The following NRG1 variants were observed in gnomAD, a reference collection of about 807,000 sequenced individuals.
NRG1 encodes the protein pro-neuregulin-1, membrane-bound isoform.
Under a neutral mutation model 63.8 loss-of-function variants are expected in NRG1, and 18 were observed. The ratio of observed to expected loss-of-function variants is 0.28; its 90% CI spans 0.19 to 0.42. The LOEUF is 0.42. Ranked by LOEUF, NRG1 falls within the 10% of genes least tolerant of loss-of-function variation. NRG1 has a pLI of 1.00. For missense variants in NRG1, 762 were observed against 814.7 expected, an observed-to-expected ratio of 0.94 and a Z score of 0.79; for synonymous variants, 302 against 301.3, an observed-to-expected ratio of 1.00 and a Z score of -0.02.
At chr8:32,756,415 A>G in exon 9 of NRG1, 2 of 1,610,878 alleles carry the variant, frequency 1.2e-6, no homozygotes, top group Non-Finnish European at 1.7e-6. Flanking sequence ...AACAGCGGAA[A>G]AAGCTGCATG....
chr8:32,549,006 G>A (rs1833564432), intron 1 of NRG1, among the ~76,000 whole-genome samples, 180 bp downstream of exon 1: 1 of 152,200 alleles, frequency 6.6e-6, no homozygotes, highest in South Asian at 2.1e-4. Context: ...GCTCACCTGG[G>A]CGCCGAGTCC....
chr8:32,654,488 G>A (rs902064658), intron 5 of NRG1, among the ~76,000 whole-genome samples: 1 of 151,938 alleles, frequency 6.6e-6, no homozygotes, highest in Non-Finnish European at 1.5e-5. Flanking sequence ...AATTAGCCAG[G>A]GGTGGGGGTT....
intron 1 of NRG1, among the ~76,000 whole-genome samples, chr8:31,839,941 G>A (rs1435683415): frequency 5.3e-5 from 8 of 152,054 alleles, no homozygotes; most frequent in East Asian, 1.9e-4. Flanking sequence ...GCTGGTTTTC[G>A]GGAGCCACCA....
chr8:32,371,680 G>A (rs1278114630), intron 1 of NRG1, among the ~76,000 whole-genome samples: 1 of 152,160 alleles, frequency 6.6e-6, no homozygotes, highest in South Asian at 2.1e-4. Flanking sequence ...CTTGTCCTTT[G>A]CCTTCCCATT....
intron 1 of NRG1, among the ~76,000 whole-genome samples, chr8:31,745,761 C>T (rs1416937973): frequency 6.6e-6 from 1 of 151,678 alleles, no homozygotes; most frequent in African/African-American, 2.4e-5. Context: ...TACTGAAGAG[C>T]CATGTTAAAT....
intron 1 of NRG1, among the ~76,000 whole-genome samples, chr8:31,819,541 C>G (rs1279727136): frequency 6.6e-6 from 1 of 152,168 alleles, no homozygotes; most frequent in Non-Finnish European, 1.5e-5. Context: ...TTTTCCCAAA[C>G]TTTTACATAT....
At chr8:32,052,912 C>T (rs1232039956) in intron 1 of NRG1, among the ~76,000 whole-genome samples, 1 of 152,162 alleles carries the variant, frequency 6.6e-6, no homozygotes, top group African/African-American at 2.4e-5. Context: ...GAGGTTACTG[C>T]TTCTGCTGCC....
chr8:32,661,597 A>T (rs1054778346), intron 5 of NRG1, among the ~76,000 whole-genome samples: 1 of 152,098 alleles, frequency 6.6e-6, no homozygotes, highest in Non-Finnish European at 1.5e-5. Context: ...GCTGGTCTAA[A>T]AAACAGGAAT....
At chr8:32,474,002 C>T (rs1385723409) in intron 1 of NRG1, among the ~76,000 whole-genome samples, 1 of 152,102 alleles carries the variant, frequency 6.6e-6, no homozygotes, top group Non-Finnish European at 1.5e-5. Flanking sequence ...TACATGTTTT[C>T]TCTTGGCATC....
At chr8:32,131,350 A>G (rs1834797771) in intron 1 of NRG1, among the ~76,000 whole-genome samples, 1 of 152,022 alleles carries the variant, frequency 6.6e-6, no homozygotes, top group East Asian at 1.9e-4. Context: ...TTGTCATTGC[A>G]TGTTCTGCTC....
At position 31,946,099 on chromosome 8, in the gene NRG1, G is replaced by A. The variant is rs528538697; in HGVS notation, c.37+306668G>A. ...CCATAAGCACCCTGTTGTCATATCTGAGTAACTGCACTCATAATGTGTGAT... is the reference window on the plus strand; with the variant it reads ...CCATAAGCACCCTGTTGTCATATCTAAGTAACTGCACTCATAATGTGTGAT... On this transcript the variant is annotated intron_variant, in intron 1 of 10. Transcript: ENST00000519301. 9.2e-5 allele frequency among the ~76,000 whole-genome samples: 14 copies of A among 152,230 alleles called. No individual in the cohort carries two copies. In the East Asian group the frequency reaches 2.5e-3, roughly 27 times the overall value.
chr8:32,592,740 G>A (rs1018667688), intron 1 of NRG1, among the ~76,000 whole-genome samples: 5 of 152,106 alleles, frequency 3.3e-5, no homozygotes, highest in Admixed American at 1.3e-4. Context: ...CAAATATATG[G>A]AGTGGTAAGG....
At chr8:32,055,810 C>G (rs1337616280) in intron 1 of NRG1, among the ~76,000 whole-genome samples, 1 of 152,018 alleles carries the variant, frequency 6.6e-6, no homozygotes, top group Admixed American at 6.6e-5. Flanking sequence ...ATAGAGCCCC[C>G]TTGGTGGTGT....
chr8:32,383,906 G>C (rs575192807), intron 1 of NRG1, among the ~76,000 whole-genome samples: 1 of 152,158 alleles, frequency 6.6e-6, no homozygotes, highest in Non-Finnish European at 1.5e-5. Context: ...CTTTGTCTTA[G>C]CCCACAGGAT....
intron 1 of NRG1, among the ~76,000 whole-genome samples, chr8:32,394,944 G>T (rs1812253839): frequency 6.6e-6 from 1 of 152,096 alleles, no homozygotes; most frequent in South Asian, 2.1e-4. Context: ...TAACAAAATG[G>T]TTTCAGATAG....
intron 1 of NRG1, among the ~76,000 whole-genome samples, chr8:31,698,239 T>C (rs1266351487): frequency 1.3e-5 from 2 of 152,234 alleles, no homozygotes; most frequent in Admixed American, 6.5e-5. Flanking sequence ...CCAAAACACT[T>C]AGAGATGTTT....
intron 1 of NRG1, among the ~76,000 whole-genome samples, chr8:32,300,353 G>C (rs1183481235): frequency 6.6e-6 from 1 of 152,160 alleles, no homozygotes; most frequent in Non-Finnish European, 1.5e-5. Context: ...CTTAATTGTT[G>C]TATTTCATCA....
intron 1 of NRG1, among the ~76,000 whole-genome samples, chr8:31,931,963 T>C (rs550838312): frequency 1.9e-4 from 29 of 152,216 alleles, no homozygotes; most frequent in Non-Finnish European, 2.5e-4. Context: ...AGAGCTGTCA[T>C]TGTGCTGAGT....
intron 1 of NRG1, among the ~76,000 whole-genome samples, chr8:32,270,336 G>T (rs2129472341): frequency 6.6e-6 from 1 of 152,276 alleles, no homozygotes; most frequent in East Asian, 1.9e-4. Context: ...AGTTGCTGTG[G>T]AATTGTAGAT....
Sources: gnomAD v4.1 joint callset for allele counts (sites outside exome capture counted in the v4.1 genomes callset) on GRCh38, gnomAD v4.1.1 for gene constraint, MANE v1.5 for transcripts, NCBI Gene and HGNC (gene_info 2026-07-23, HGNC 2026-07-21) for gene names.